Variants in RIC8B observed in about 807,000 individuals in gnomAD.
RIC8B encodes the protein RIC8 guanine nucleotide exchange factor B.
In RIC8B, 16 loss-of-function variants were observed where a neutral mutation model predicts 57.5. The observed-to-expected ratio is 0.28, with a 90% CI of 0.19 to 0.42. The LOEUF is 0.42. Among genes scored for constraint, RIC8B ranks in the 10% least tolerant of loss-of-function variants. The pLI, the probability that RIC8B is intolerant of heterozygous loss-of-function variation, is 1.00. For missense variants in RIC8B, 481 were observed against 677.0 expected (o/e 0.71, Z 3.21); for synonymous variants, 216 against 250.8 (o/e 0.86, Z 1.31).
chr12:106,885,804 CTT>C, intron 9 of RIC8B, 98 bp from the exon 10 acceptor site: 1 of 611,338 alleles, frequency 1.6e-6, no homozygotes, highest in East Asian at 3.0e-5. Flanking sequence ...TTTTTAAAGA[CTT>C]TTCTTTTTAA....
chr12:106,880,308 G>A (rs73383119), intron 9 of RIC8B, among the ~76,000 whole-genome samples: 15,736 of 152,162 alleles, frequency 0.1, 994 homozygotes, highest in Middle Eastern at 0.15. Context: ...AGAAACAAAG[G>A]CTTAGTAATA....
chr12:106,821,288 C>T (rs536018411), intron 3 of RIC8B, among the ~76,000 whole-genome samples: 10 of 152,222 alleles, frequency 6.6e-5, no homozygotes, highest in South Asian at 2.1e-4. Flanking sequence ...ACTCATCTAA[C>T]GGATATTTAT....
chr12:106,881,549 C>T (rs982896828), intron 9 of RIC8B, among the ~76,000 whole-genome samples: 2 of 152,040 alleles, frequency 1.3e-5, no homozygotes, highest in Admixed American at 1.3e-4. Flanking sequence ...CTGTCTCCTC[C>T]TGTGTCCCTC....
intron 2 of RIC8B, among the ~76,000 whole-genome samples, chr12:106,811,851 T>C (rs1215287263): frequency 6.6e-6 from 1 of 152,074 alleles, no homozygotes; most frequent in Non-Finnish European, 1.5e-5. Context: ...CACAGAAAAG[T>C]ACTGACAGGG....
At chr12:106,846,627 A>AT (rs1305096307) in intron 6 of RIC8B, among the ~76,000 whole-genome samples, 1 of 152,118 alleles carries the variant, frequency 6.6e-6, no homozygotes, top group African/African-American at 2.4e-5. Flanking sequence ...AAGCACAGTA[A>AT]ATGAAAATAC....
At position 106,829,423 on chromosome 12, in the gene RIC8B, A is replaced by T. The variant is rs2046256681; in HGVS notation, c.836+3603A>T. Among the ~76,000 whole-genome samples, 6 of 152,308 alleles carry T rather than the reference A, an allele frequency of 3.9e-5. No homozygotes were observed. The South Asian group carries it at 8.3e-4, about 21-fold the overall frequency. ...GACCAGATTTGATTTAATTTATTTT[A>T]GGCTCTCAATCTCGTTTTCTTTTAC... On this transcript the variant is annotated intron_variant, in intron 4 of 9. Transcript: ENST00000392837.
At chr12:106,839,071 G>A (rs12307860) in intron 4 of RIC8B, among the ~76,000 whole-genome samples, 196 of 152,148 alleles carry the variant, frequency 1.3e-3, no homozygotes, top group African/African-American at 4.5e-3. Flanking sequence ...ACTGTTGGTG[G>A]GAATGTAAAT....
rs199950185 is a variant in RIC8B, at chr12:106,870,967, G to C, written c.1571+25G>C. ...GGTATTGTATTCCCATCCATTTTTT[G>C]CTTGGTTTCTAAAAATGGTCTATTT... On this transcript the variant is annotated intron_variant, in intron 9 of 9. Transcript: ENST00000392837. The C allele has an allele frequency of 2.0e-3, 3,082 of 1,539,328 alleles. 32 individuals carry two copies. The highest frequency in any genetic ancestry group is 1.2e-3 in the Non-Finnish European group (1,379 of 1,141,322).
At chr12:106,863,378 G>C (rs1472111363) in intron 8 of RIC8B, among the ~76,000 whole-genome samples, 1 of 152,078 alleles carries the variant, frequency 6.6e-6, no homozygotes, top group East Asian at 1.9e-4. Flanking sequence ...AAACTCAGGG[G>C]TGTTTCCTTC....
At chr12:106,789,981 T>G (rs2044197800) in intron 2 of RIC8B, among the ~76,000 whole-genome samples, 2 of 152,100 alleles carry the variant, frequency 1.3e-5, no homozygotes, top group Non-Finnish European at 2.9e-5. Context: ...AATTATAAAT[T>G]AATGATCTTT....
chr12:106,792,613 T>C (rs1231335836), intron 2 of RIC8B, among the ~76,000 whole-genome samples: 1 of 152,108 alleles, frequency 6.6e-6, no homozygotes, highest in African/African-American at 2.4e-5. Flanking sequence ...ATACAGTCAA[T>C]GAAGAAACAC....
chr12:106,832,693 A>G (rs985818027), intron 4 of RIC8B, among the ~76,000 whole-genome samples: 4 of 152,186 alleles, frequency 2.6e-5, no homozygotes, highest in Admixed American at 6.5e-5. Context: ...GGATGAAGGG[A>G]TGGATAGATA....
At chr12:106,805,678 C>A (rs1593151285) in intron 2 of RIC8B, among the ~76,000 whole-genome samples, 1 of 152,274 alleles carries the variant, frequency 6.6e-6, no homozygotes, top group East Asian at 1.9e-4. Flanking sequence ...TTCCAAAATA[C>A]AAATCTAATG....
intron 5 of RIC8B, among the ~76,000 whole-genome samples, chr12:106,843,309 G>C (rs1016128478): frequency 2.0e-5 from 3 of 152,104 alleles, no homozygotes; most frequent in Non-Finnish European, 2.9e-5. Context: ...GCATAGTCCA[G>C]TCACCAAAAT....
intron 1 of RIC8B, among the ~76,000 whole-genome samples, chr12:106,778,711 G>A (rs2043603995): frequency 6.6e-6 from 1 of 152,142 alleles, no homozygotes; most frequent in South Asian, 2.1e-4. Flanking sequence ...GCAGGGCTAT[G>A]TTGCCTTTAC....
chr12:106,789,668 T>C (rs1330601202), intron 2 of RIC8B, among the ~76,000 whole-genome samples: 1 of 152,048 alleles, frequency 6.6e-6, no homozygotes, highest in East Asian at 1.9e-4. Context: ...AAATTATCTC[T>C]CAGCAGGTGC....
At chr12:106,871,101 T>C (rs1329514933) in intron 9 of RIC8B, 159 bp downstream of exon 9, 20 of 561,468 alleles carry the variant, frequency 3.6e-5, no homozygotes, top group Non-Finnish European at 5.5e-5. Flanking sequence ...TTGGCTACCA[T>C]GGTTTTTCTA....
At chr12:106,871,049 A>G in intron 9 of RIC8B, 107 bp downstream of exon 9, 1 of 1,202,068 alleles carries the variant, frequency 8.3e-7, no homozygotes, top group Non-Finnish European at 1.1e-6. Flanking sequence ...ATCCATGTTG[A>G]TTGGAATAGG....
intron 2 of RIC8B, among the ~76,000 whole-genome samples, chr12:106,806,856 C>G (rs2045059562): frequency 6.6e-6 from 1 of 152,084 alleles, no homozygotes; most frequent in African/African-American, 2.4e-5. Context: ...AAAGAATGCC[C>G]TTATTCATAT....
Sources: gnomAD v4.1 joint callset for allele counts (sites outside exome capture counted in the v4.1 genomes callset) on GRCh38, gnomAD v4.1.1 for gene constraint, MANE v1.5 for transcripts, NCBI Gene and HGNC (gene_info 2026-07-23, HGNC 2026-07-21) for gene names.